The following DCDC2 variants were observed in gnomAD, a reference collection of about 807,000 sequenced individuals.
DCDC2 encodes doublecortin domain-containing protein 2.
A neutral mutation model predicts 50.2 loss-of-function variants in DCDC2; 40 were observed. That is an observed-to-expected ratio of 0.80 (90% CI 0.62 to 1.04). The LOEUF (loss-of-function observed/expected upper bound fraction) is 1.04, where lower values mean the gene tolerates loss of function less well. DCDC2 is among the 50% of genes least tolerant of loss of function. The probability of loss-of-function intolerance (pLI) is 0.00; values close to 1 mark genes in which losing one functional copy is unlikely to be tolerated. For missense variants in DCDC2, 570 were observed against 581.9 expected, an observed-to-expected ratio of 0.98 and a Z score of 0.21; for synonymous variants, 234 against 210.6, an observed-to-expected ratio of 1.11 and a Z score of -0.96.
Position 24,317,042 on chromosome 6 carries a change from T to C in DCDC2, c.349-14998A>G, listed in dbSNP as rs567577322. Among the ~76,000 whole-genome samples the C allele has an allele frequency of 5.5e-4, 83 of 151,948 alleles. No homozygotes were observed. The South Asian group carries it at 0.015, about 27-fold the overall frequency. On this transcript the variant is annotated intron_variant, in intron 2 of 9. Coordinates refer to ENST00000378454, the MANE Select transcript of DCDC2 (RefSeq NM_016356.5). Reference sequence around the variant, plus strand: ...TTGACTTCGTAAAAACAAAAAGCTATTTTTCCATGGCAAAAACACTACATA... The same window carrying C: ...TTGACTTCGTAAAAACAAAAAGCTACTTTTCCATGGCAAAAACACTACATA...
intron 6 of DCDC2, among the ~76,000 whole-genome samples, chr6:24,282,471 G>A (rs73394097): frequency 0.12 from 18,105 of 151,488 alleles, 1,085 homozygotes; most frequent in East Asian, 0.17. Context: ...TCAAACTCCT[G>A]ACCTCAAATG....
At chr6:24,302,536 A>T (rs1359133470) in intron 2 of DCDC2, among the ~76,000 whole-genome samples, 1 of 151,546 alleles carries the variant, frequency 6.6e-6, no homozygotes, top group Non-Finnish European at 1.5e-5. Flanking sequence ...GACACAAGCA[A>T]TTTTTCCCAG....
At chr6:24,358,693 T>A (rs1422342963), upstream of DCDC2, among the ~76,000 whole-genome samples, 2 of 90,122 alleles carry the variant, frequency 2.2e-5, no homozygotes, top group African/African-American at 4.5e-5. Flanking sequence ...GAAAATAAAA[T>A]ATATATTTTT....
chr6:24,279,407 T>A (rs927659026), intron 6 of DCDC2, among the ~76,000 whole-genome samples: 8 of 151,786 alleles, frequency 5.3e-5, no homozygotes, highest in Admixed American at 5.3e-4. Flanking sequence ...GGACCCTCCA[T>A]CTCTAAAATT....
intron 2 of DCDC2, among the ~76,000 whole-genome samples, chr6:24,349,187 T>C (rs1056930324): frequency 2.6e-5 from 4 of 152,206 alleles, no homozygotes; most frequent in African/African-American, 9.6e-5. Flanking sequence ...CACAAATGGC[T>C]TTGCTGCAAC....
chr6:24,282,180 G>T (rs1763489076), intron 6 of DCDC2, among the ~76,000 whole-genome samples: 1 of 151,858 alleles, frequency 6.6e-6, no homozygotes, highest in South Asian at 2.1e-4. Flanking sequence ...CAAATCTCTG[G>T]CTCAAACAAA....
chr6:24,262,149 T>C lies in DCDC2; in HGVS notation c.922+15900A>G, dbSNP rs185851621. On this transcript the variant is annotated intron_variant, in intron 7 of 9. Coordinates refer to ENST00000378454, the MANE Select transcript of DCDC2 (RefSeq NM_016356.5). ...CCCCCGTCCCCCAGCAGCAGCCTCG[T>C]GACACCGAGAGAGAATCTGTGTGCT... Among the ~76,000 whole-genome samples, 289 of 127,820 alleles carry C rather than the reference T, an allele frequency of 2.3e-3. 2 individuals carry two copies. The highest frequency in any genetic ancestry group is 4.7e-3 in the Middle Eastern group (1 of 212). 83.9% of individuals were successfully genotyped at this position (127,820 alleles called of 152,430 possible). A position where few individuals can be genotyped will look rare whatever the true frequency, so the allele number is the denominator to read the frequency against.
chr6:24,240,835 T>C (rs1198020239), intron 7 of DCDC2, among the ~76,000 whole-genome samples: 5 of 152,102 alleles, frequency 3.3e-5, no homozygotes, highest in African/African-American at 9.7e-5. Flanking sequence ...CCAAAAGCAG[T>C]GGGGCAACTG....
rs766218401 is a variant in DCDC2, at chr6:24,350,955, T to TG, written c.348+2613dup. On this transcript the variant is annotated intron_variant, in intron 2 of 9. Transcript: ENST00000378454. ...ATCATCCTCCAACTTATCAACTTGTTGAACTCCAAAAGTTTGACTATAAAT... is the reference window on the plus strand; with the variant it reads ...ATCATCCTCCAACTTATCAACTTGTTGGAACTCCAAAAGTTTGACTATAAAT... 5.2e-4 allele frequency among the ~76,000 whole-genome samples: 79 copies of TG among 152,344 alleles called. 1 individual carries two copies. Among genetic ancestry groups the TG allele is most frequent in the Non-Finnish European group, 9.0e-4 (61 of 68,026 alleles).
intron 8 of DCDC2, among the ~76,000 whole-genome samples, chr6:24,191,363 T>C (rs963867870): frequency 1.3e-5 from 2 of 152,220 alleles, no homozygotes; most frequent in African/African-American, 4.8e-5. Flanking sequence ...CAGGCATATT[T>C]GGTTTTTAAA....
At chr6:24,243,166 G>A (rs1490253067) in intron 7 of DCDC2, among the ~76,000 whole-genome samples, 1 of 152,170 alleles carries the variant, frequency 6.6e-6, no homozygotes, top group Admixed American at 6.5e-5. Flanking sequence ...AGCTAAACCT[G>A]TCAGTAATCT....
At chr6:24,215,173 GAC>G (rs1393336047) in intron 7 of DCDC2, among the ~76,000 whole-genome samples, 1 of 152,176 alleles carries the variant, frequency 6.6e-6, no homozygotes, top group Non-Finnish European at 1.5e-5. Flanking sequence ...CAAATCAAAA[GAC>G]AAGACAAATT....
intron 1 of DCDC2, 153 bp downstream of exon 1, chr6:24,357,305 A>C (rs566284286): frequency 6.9e-6 from 6 of 866,926 alleles, no homozygotes; most frequent in Non-Finnish European, 1.0e-5. Flanking sequence ...CTACCCCCCA[A>C]CTGCAACGAG....
chr6:24,290,527 GTTT>G (rs1282556216), intron 5 of DCDC2, among the ~76,000 whole-genome samples: 1 of 152,054 alleles, frequency 6.6e-6, no homozygotes. Context: ...AATATTATGA[GTTT>G]TTTAACACTC....
At chr6:24,332,121 G>A (rs768052316) in intron 2 of DCDC2, among the ~76,000 whole-genome samples, 3 of 152,162 alleles carry the variant, frequency 2.0e-5, no homozygotes, top group Non-Finnish European at 2.9e-5. Flanking sequence ...TACATTCCCA[G>A]TGTGGGAGAC....
chr6:24,320,725 G>C (rs976945160), intron 2 of DCDC2, among the ~76,000 whole-genome samples: 1 of 152,088 alleles, frequency 6.6e-6, no homozygotes, highest in South Asian at 2.1e-4. Context: ...TGTATGTATA[G>C]TTATATATGT....
chr6:24,210,617 A>T (rs1475002443), intron 7 of DCDC2, among the ~76,000 whole-genome samples: 1 of 152,240 alleles, frequency 6.6e-6, no homozygotes, highest in East Asian at 1.9e-4. Context: ...CATCACCATT[A>T]TCTGTTGGAT....
At chr6:24,195,525 T>TA (rs1184384934) in intron 8 of DCDC2, among the ~76,000 whole-genome samples, 1 of 152,138 alleles carries the variant, frequency 6.6e-6, no homozygotes, top group East Asian at 1.9e-4. Context: ...TACTGGACAA[T>TA]AAAGAAACCC....
intron 2 of DCDC2, among the ~76,000 whole-genome samples, chr6:24,352,805 C>G (rs545413577): frequency 1.1e-4 from 17 of 152,232 alleles, no homozygotes; most frequent in African/African-American, 3.4e-4. Flanking sequence ...ATTGGAAGCA[C>G]TTGTTTATTT....
Sources: allele counts gnomAD v4.1 joint callset (sites outside exome capture counted in the v4.1 genomes callset), GRCh38; gene constraint gnomAD v4.1.1; transcripts MANE v1.5; gene names NCBI Gene and HGNC (gene_info 2026-07-23, HGNC 2026-07-21).